The following DDO variants were observed in gnomAD, a reference collection of about 807,000 sequenced individuals.
The protein encoded by DDO is D-aspartate oxidase.
DDO carries 16 observed loss-of-function variants against 16.8 expected under a neutral mutation model. The observed-to-expected ratio is 0.95, with a 90% CI of 0.65 to 1.45. The LOEUF (loss-of-function observed/expected upper bound fraction) is 1.45, where lower values mean the gene tolerates loss of function less well. Among genes scored for constraint, DDO ranks in the 40% most tolerant of loss-of-function variants. The pLI is 0.00. For missense variants in DDO, 429 were observed against 420.3 expected, an observed-to-expected ratio of 1.02 and a Z score of -0.18; for synonymous variants, 180 against 167.2, an observed-to-expected ratio of 1.08 and a Z score of -0.59.
Position 110,400,433 on chromosome 6 carries a change from A to G in DDO, c.458+4341T>C, listed in dbSNP as rs900663128. ...GCTGCCCACGAGGCAGGGCGGCACC[A>G]GGCCAACTGGGAGACTTATGAGGAC... is the stretch of plus-strand genomic sequence containing the variant. On this transcript the variant is annotated intron_variant, in intron 4 of 4. Transcript: ENST00000368924. Among the ~76,000 whole-genome samples, 2 of 151,364 alleles carry G rather than the reference A, an allele frequency of 1.3e-5. 1 individual carries two copies. The highest frequency in any genetic ancestry group is 2.9e-5 in the Non-Finnish European group (2 of 67,974).
chr6:110,406,665 G>A (rs370266065), intron 3 of DDO, among the ~76,000 whole-genome samples: 2 of 152,114 alleles, frequency 1.3e-5, no homozygotes, highest in African/African-American at 2.4e-5. Context: ...CACCACAGTC[G>A]CCCTAGACTC....
At chr6:110,404,505 G>T (rs1175079898) in intron 4 of DDO, among the ~76,000 whole-genome samples, 1 of 152,126 alleles carries the variant, frequency 6.6e-6, no homozygotes, top group Non-Finnish European at 1.5e-5. Flanking sequence ...GGTTTTACCT[G>T]GGGCAAGAAG....
Position 110,407,997 on chromosome 6 carries a change from C to T in DDO, c.281+337G>A, listed in dbSNP as rs80065814. On this transcript the variant is annotated intron_variant, in intron 3 of 4. Transcript: ENST00000368924. ...AACATCATACCTGTTTGCTTTCCAT[C>T]GGCTGTACCATCCCCACATCACCCA... Among the ~76,000 whole-genome samples, 1,430 of 152,292 alleles carry T rather than the reference C, an allele frequency of 9.4e-3. 12 individuals are homozygous for T. The highest frequency in any genetic ancestry group is 0.023 in the South Asian group (111 of 4,828).
intron 4 of DDO, among the ~76,000 whole-genome samples, chr6:110,402,103 C>A (rs1023972882): frequency 2.6e-5 from 4 of 152,134 alleles, no homozygotes; most frequent in Non-Finnish European, 4.4e-5. Flanking sequence ...ACTATTCAAG[C>A]TTGTAAATGT....
chr6:110,398,937 G>A (rs544448927), intron 4 of DDO, among the ~76,000 whole-genome samples: 1 of 152,192 alleles, frequency 6.6e-6, no homozygotes. Flanking sequence ...GCACAGAAAT[G>A]GGCCACCCAG....
At chr6:110,410,112 CA>C (rs1331988437) in intron 2 of DDO, among the ~76,000 whole-genome samples, 7 of 152,224 alleles carry the variant, frequency 4.6e-5, no homozygotes, top group Non-Finnish European at 1.0e-4. Flanking sequence ...CATTTATGAG[CA>C]CAGGAGATAG....
intron 4 of DDO, among the ~76,000 whole-genome samples, 158 bp from the exon 5 acceptor site, chr6:110,393,500 T>A (rs959236013): frequency 2.0e-5 from 3 of 152,232 alleles, no homozygotes; most frequent in African/African-American, 7.2e-5. Flanking sequence ...ATTCTAGCCA[T>A]CAACTGCTTC....
At chr6:110,399,547 A>G (rs1315746471) in intron 4 of DDO, among the ~76,000 whole-genome samples, 1 of 52,432 alleles carries the variant, frequency 1.9e-5, no homozygotes, top group African/African-American at 7.0e-5. Flanking sequence ...CCTCCCGCCC[A>G]CCCCGCCTGA....
intron 2 of DDO, among the ~76,000 whole-genome samples, chr6:110,412,988 C>CA (rs1273745393): frequency 6.6e-6 from 1 of 151,986 alleles, no homozygotes; most frequent in East Asian, 1.9e-4. Context: ...TACAAAAATA[C>CA]AAAAACTAGC....
At chr6:110,393,377 A>C in intron 4 of DDO, 35 bp from the exon 5 acceptor site, 1 of 1,525,890 alleles carries the variant, frequency 6.6e-7, no homozygotes, top group Non-Finnish European at 8.8e-7. Flanking sequence ...AATATTTGTT[A>C]GCGACCTGAT....
chr6:110,413,866 C>T (rs370239003), intron 1 of DDO, among the ~76,000 whole-genome samples: 70 of 152,268 alleles, frequency 4.6e-4, no homozygotes, highest in African/African-American at 1.3e-3. Flanking sequence ...CTCCGCCTCC[C>T]AGGTTCAAGC....
intron 2 of DDO, among the ~76,000 whole-genome samples, chr6:110,409,994 AT>A (rs57627094): frequency 0.21 from 31,362 of 152,166 alleles, 3,499 homozygotes; most frequent in South Asian, 0.31. Context: ...AAATGCTGAT[AT>A]AGCACTTACT....
At chr6:110,402,873 A>G (rs1177370873) in intron 4 of DDO, among the ~76,000 whole-genome samples, 1 of 152,094 alleles carries the variant, frequency 6.6e-6, no homozygotes, top group East Asian at 1.9e-4. Flanking sequence ...AGGGAGAACA[A>G]CACTCTTAGG....
At chr6:110,393,921 T>C (rs1208653971) in intron 4 of DDO, among the ~76,000 whole-genome samples, 1 of 152,252 alleles carries the variant, frequency 6.6e-6, no homozygotes, top group African/African-American at 2.4e-5. Flanking sequence ...TTGGACCAAC[T>C]ATATCAATAG....
At chr6:110,405,002 T>C in intron 3 of DDO, 52 bp from the exon 4 acceptor site, 1 of 1,523,236 alleles carries the variant, frequency 6.6e-7, no homozygotes, top group Non-Finnish European at 9.1e-7. Flanking sequence ...AATAACATAT[T>C]TCTAGTAAAC....
At chr6:110,393,413 A>C in intron 4 of DDO, 71 bp from the exon 5 acceptor site, 1 of 1,488,712 alleles carries the variant, frequency 6.7e-7, no homozygotes, top group Non-Finnish European at 8.9e-7. Context: ...AATAAAGAAA[A>C]GGAACCCAGG....
At chr6:110,407,097 G>C (rs959528591) in intron 3 of DDO, among the ~76,000 whole-genome samples, 1 of 152,132 alleles carries the variant, frequency 6.6e-6, no homozygotes, top group African/African-American at 2.4e-5. Flanking sequence ...GAAGAATGCT[G>C]AATATGTTGT....
At chr6:110,408,468 G>A (rs1773734128) in intron 2 of DDO, 26 bp from the exon 3 acceptor site, 3 of 1,592,312 alleles carry the variant, frequency 1.9e-6, no homozygotes, top group African/African-American at 1.3e-5. Flanking sequence ...AAAGCAAAGT[G>A]GAACAGAAAG....
In DDO at chr6:110,393,156, G is replaced by C. The variant is rs1298667357; in HGVS notation, c.645C>G (p.Ile215Met). The C allele has an allele frequency of 6.2e-7, 1 of 1,614,238 alleles. No homozygotes were observed. The highest frequency in any genetic ancestry group is 8.5e-7 in the Non-Finnish European group (1 of 1,180,030). The change falls in exon 5 of 5, where the codon ATC (isoleucine) becomes ATG (methionine). Residue 215 changes from isoleucine to methionine, a missense_variant. Physicochemically the swap from Ile to Met is conservative, Grantham distance 10 (BLOSUM62 1). Coordinates refer to ENST00000368924, the MANE Select transcript of DDO (RefSeq NM_001372108.2). Reference protein sequence around the residue: ...QVQAPWVEHFIRDGSGLTYIY... With the variant: ...QVQAPWVEHFMRDGSGLTYIY... ...TATATGTCAGCCCACTGCCATCTCG[G>C]ATAAAATGCTCCACCCAGGGAGCCT...
Sources: gnomAD v4.1 joint callset for allele counts (sites outside exome capture counted in the v4.1 genomes callset) on GRCh38, gnomAD v4.1.1 for gene constraint, MANE v1.5 for transcripts, NCBI Gene and HGNC (gene_info 2026-07-23, HGNC 2026-07-21) for gene names.